The following DNM3 variants were observed in gnomAD, a reference collection of about 807,000 sequenced individuals.
The protein encoded by DNM3 is dynamin 3, also known as dynamin-3.
In DNM3, 47 loss-of-function variants were observed where a neutral mutation model predicts 101.6. The ratio of observed to expected loss-of-function variants is 0.46; its 90% CI spans 0.37 to 0.59. The LOEUF (loss-of-function observed/expected upper bound fraction) is 0.59. DNM3 is among the 20% of genes least tolerant of loss of function. The pLI is 0.00. For missense variants in DNM3, 849 were observed against 1,085.7 expected (o/e 0.78, Z 3.06); for synonymous variants, 385 against 387.9 (o/e 0.99, Z 0.09).
At chr1:171,870,061 C>T (rs2035125384) in intron 1 of DNM3, among the ~76,000 whole-genome samples, 1 of 152,102 alleles carries the variant, frequency 6.6e-6, no homozygotes, top group African/African-American at 2.4e-5. Flanking sequence ...GAAGAACTAG[C>T]CATGGAAGAA....
chr1:172,228,503 G>A (rs1022280257), intron 14 of DNM3, among the ~76,000 whole-genome samples: 12 of 152,038 alleles, frequency 7.9e-5, no homozygotes, highest in African/African-American at 2.2e-4. Context: ...TATTTGAAGG[G>A]CATTTTCCCT....
chr1:171,950,864 A>T (rs960253014), intron 2 of DNM3, among the ~76,000 whole-genome samples: 13 of 152,156 alleles, frequency 8.5e-5, no homozygotes. Context: ...AAGCTATGAA[A>T]ATATGTGTCC....
intron 14 of DNM3, among the ~76,000 whole-genome samples, chr1:172,145,160 G>A (rs2057812633): frequency 6.6e-6 from 1 of 152,166 alleles, no homozygotes; most frequent in Admixed American, 6.5e-5. Flanking sequence ...GGCTAGAGAA[G>A]TAATTTGAAG....
intron 15 of DNM3, chr1:172,289,397 A>G (rs1280129716): frequency 4.2e-6 from 1 of 235,414 alleles, no homozygotes; most frequent in African/African-American, 2.3e-5. Context: ...TTACTATCAT[A>G]AAAGCATACT....
chr1:172,294,498 G>A (rs898050718), intron 15 of DNM3, among the ~76,000 whole-genome samples: 1 of 152,150 alleles, frequency 6.6e-6, no homozygotes, highest in Non-Finnish European at 1.5e-5. Flanking sequence ...TATTAGTTAT[G>A]TGATCTTGGG....
intron 14 of DNM3, among the ~76,000 whole-genome samples, chr1:172,203,765 A>G (rs2060232310): frequency 6.6e-6 from 1 of 152,180 alleles, no homozygotes; most frequent in Non-Finnish European, 1.5e-5. Flanking sequence ...ATGGGTTGGT[A>G]CCAGACTAAA....
At chr1:172,321,714 C>T (rs2065726681) in intron 16 of DNM3, among the ~76,000 whole-genome samples, 1 of 152,182 alleles carries the variant, frequency 6.6e-6, no homozygotes. Flanking sequence ...TGCAAAAATA[C>T]TTGGTTGAAC....
intron 9 of DNM3, among the ~76,000 whole-genome samples, chr1:172,046,718 T>C (rs562191118): frequency 6.6e-6 from 1 of 152,234 alleles, no homozygotes; most frequent in East Asian, 1.9e-4. Context: ...ATTTCTAAGC[T>C]CCCTATTCTA....
intron 11 of DNM3, 62 bp from the exon 12 acceptor site, chr1:172,081,770 G>T: frequency 7.3e-7 from 1 of 1,366,206 alleles, no homozygotes; most frequent in South Asian, 1.3e-5. Flanking sequence ...GGCAATTACT[G>T]AATTTAATGT....
chr1:171,985,685 A>C (rs2045199314), intron 2 of DNM3, among the ~76,000 whole-genome samples: 1 of 152,238 alleles, frequency 6.6e-6, no homozygotes, highest in South Asian at 2.1e-4. Flanking sequence ...CAGAAATTAA[A>C]TCCGTCTCTG....
At chr1:172,099,494 T>A (rs1475395001) in intron 13 of DNM3, among the ~76,000 whole-genome samples, 1 of 152,016 alleles carries the variant, frequency 6.6e-6, no homozygotes, top group Non-Finnish European at 1.5e-5. Flanking sequence ...TTCTATATCG[T>A]TGAACAGAAC....
rs190010745 is a variant in DNM3, at chr1:171,907,064, G to A, written c.162-14684G>A. Among the ~76,000 whole-genome samples the A allele has an allele frequency of 7.2e-5, 11 of 152,282 alleles. 1 individual carries two copies. The highest frequency in any genetic ancestry group is 5.9e-4 in the Admixed American group (9 of 15,294). On this transcript the variant is annotated intron_variant, in intron 1 of 20. Transcript: ENST00000627582. Reference sequence around the variant, plus strand: ...AGCCAGAAATGGACCACCTCTAACTGTCTCCACTGCTGCCATTCTGGTCTA... The same window carrying A: ...AGCCAGAAATGGACCACCTCTAACTATCTCCACTGCTGCCATTCTGGTCTA...
chr1:172,144,885 G>A (rs906010807), intron 14 of DNM3: 8 of 260,770 alleles, frequency 3.1e-5, no homozygotes, highest in Non-Finnish European at 4.6e-5. Context: ...TCACCCTGGG[G>A]AGGTTTGGGT....
chr1:172,262,318 G>C (rs1393936626), intron 15 of DNM3, among the ~76,000 whole-genome samples: 1 of 152,150 alleles, frequency 6.6e-6, no homozygotes, highest in Non-Finnish European at 1.5e-5. Context: ...ACTGTCTGTG[G>C]CTCCTGCCTT....
In DNM3 at chr1:172,410,423, G is replaced by A. The variant is rs1054645175; in HGVS notation, c.*2582G>A. On this transcript the variant is annotated 3_prime_UTR_variant, in exon 21 of 21. Transcript: ENST00000627582. ...AACACAATAGATGTAGCTCTATCAT[G>A]TCTAGCATAATTTAAAAAATCAGTG... is the stretch of plus-strand genomic sequence containing the variant. 1.2e-5 allele frequency: 12 copies of A among 984,832 alleles called. No homozygotes were observed. The East Asian group carries it at 1.0e-3, about 84-fold the overall frequency. The allele number at this position is 984,832 out of a possible 1,614,324, so 61.0% of individuals were successfully genotyped here.
At chr1:172,114,862 G>T (rs1195077826) in intron 13 of DNM3, among the ~76,000 whole-genome samples, 1 of 152,074 alleles carries the variant, frequency 6.6e-6, no homozygotes, top group Non-Finnish European at 1.5e-5. Context: ...CACATGTGAG[G>T]CTACGGGCAT....
In DNM3 at chr1:172,050,881, CT is replaced by C. The variant is rs140391349; in HGVS notation, c.1335+2141del. Among the ~76,000 whole-genome samples the C allele has an allele frequency of 4.1e-3, 607 of 149,376 alleles. 3 individuals carry two copies. Among genetic ancestry groups the C allele is most frequent in the African/African-American group, 0.013 (540 of 40,872 alleles). ...TAAAGTGTTTATGGTATGCATGAAT[CT>C]TTTTTTTTTATCATTTCCCATTTTA... On this transcript the variant is annotated intron_variant, in intron 10 of 20. Coordinates refer to ENST00000627582, the MANE Select transcript of DNM3 (RefSeq NM_015569.5).
At chr1:172,107,836 A>G (rs2055172718) in intron 13 of DNM3, among the ~76,000 whole-genome samples, 2 of 152,254 alleles carry the variant, frequency 1.3e-5, no homozygotes, top group Non-Finnish European at 2.9e-5. Context: ...TCCCCAAAGC[A>G]CGAATCTTTT....
chr1:172,092,371 A>G (rs188656429), intron 12 of DNM3, among the ~76,000 whole-genome samples: 195 of 152,324 alleles, frequency 1.3e-3, no homozygotes, highest in African/African-American at 4.5e-3. Flanking sequence ...GATTTTGGGA[A>G]AGTCACTTAG....
Sources: allele counts gnomAD v4.1 joint callset (sites outside exome capture counted in the v4.1 genomes callset), GRCh38; gene constraint gnomAD v4.1.1; transcripts MANE v1.5; gene names NCBI Gene and HGNC (gene_info 2026-07-23, HGNC 2026-07-21).